DTNA: variants seen among roughly 807,000 people sequenced by gnomAD.
The protein encoded by DTNA is dystrobrevin alpha.
A neutral mutation model predicts 100.7 loss-of-function variants in DTNA; 43 were observed. The observed-to-expected ratio is 0.43, with a 90% CI of 0.33 to 0.55. The LOEUF (loss-of-function observed/expected upper bound fraction) is 0.55. DTNA is among the 20% of genes least tolerant of loss of function. DTNA has a pLI of 0.04. For synonymous variants in DTNA, 349 were observed against 347.9 expected, an observed-to-expected ratio of 1.00 and a Z score of -0.04; for missense variants, 798 against 953.9, an observed-to-expected ratio of 0.84 and a Z score of 2.15.
chr18:34,868,029 A>G (rs1379098538), intron 17 of DTNA: 1 of 982,782 alleles, frequency 1.0e-6, no homozygotes, highest in East Asian at 1.1e-4. Context: ...GGCAGCTTAC[A>G]ACAAAAGATA....
chr18:34,875,453 A>G (rs2096805629), intron 18 of DTNA, 55 bp downstream of exon 18: 2 of 1,611,346 alleles, frequency 1.2e-6, no homozygotes. Context: ...ATAGGTCACC[A>G]AGGTCTATTG....
chr18:34,700,252 C>A (rs926892515), intron 1 of DTNA, among the ~76,000 whole-genome samples: 7 of 152,154 alleles, frequency 4.6e-5, no homozygotes, highest in African/African-American at 1.7e-4. Flanking sequence ...AAATATTCCT[C>A]CATTTGACCT....
chr18:34,769,345 A>G (rs950951613), intron 3 of DTNA, among the ~76,000 whole-genome samples: 3 of 152,234 alleles, frequency 2.0e-5, no homozygotes, highest in Admixed American at 6.5e-5. Flanking sequence ...CAATGTTTAC[A>G]TGACATAACA....
In DTNA at chr18:34,815,895, G is replaced by GT. The variant is rs778948193; in HGVS notation, c.604-7dup. ...ATTCTCTGTCCTAAATTTATGGGGG[G>GT]TTTTTTTATGCAGAAAAAAGTCACG... On this transcript the variant is annotated splice_polypyrimidine_tract_variant and intron_variant, in intron 6 of 22. Coordinates refer to ENST00000444659, the MANE Select transcript of DTNA (RefSeq NM_001386795.1). The GT allele has an allele frequency of 2.5e-6, 4 of 1,608,020 alleles. No individual in the cohort carries two copies. The East Asian group carries it at 6.7e-5, about 27-fold the overall frequency.
chr18:34,813,888 A>G (rs1455972752), intron 6 of DTNA, among the ~76,000 whole-genome samples: 5 of 150,558 alleles, frequency 3.3e-5, no homozygotes, highest in African/African-American at 9.8e-5. Flanking sequence ...ACACAAATCT[A>G]TTTTTTCATT....
chr18:34,693,417 T>C (rs1600305640), intron 1 of DTNA, among the ~76,000 whole-genome samples: 2 of 152,236 alleles, frequency 1.3e-5, no homozygotes, highest in South Asian at 4.1e-4. Context: ...GCTTAAGTAC[T>C]ACCCAAATAA....
At chr18:34,834,827 G>T (rs965441340) in intron 11 of DTNA, among the ~76,000 whole-genome samples, 5 of 152,106 alleles carry the variant, frequency 3.3e-5, no homozygotes, top group Non-Finnish European at 7.4e-5. Context: ...CAACATTGAG[G>T]ATCAAATTTC....
intron 4 of DTNA, among the ~76,000 whole-genome samples, chr18:34,795,271 G>C (rs1438442261): frequency 6.6e-6 from 1 of 152,200 alleles, no homozygotes; most frequent in East Asian, 1.9e-4. Context: ...ATTCACAAAA[G>C]CTACCAGCTG....
intron 1 of DTNA, among the ~76,000 whole-genome samples, chr18:34,503,025 A>G (rs1376557582): frequency 6.6e-6 from 1 of 152,050 alleles, no homozygotes; most frequent in Non-Finnish European, 1.5e-5. Flanking sequence ...TACATATTTT[A>G]TAGCTCTGTT....
chr18:34,527,922 C>A (rs558409275), intron 1 of DTNA, among the ~76,000 whole-genome samples: 33 of 152,022 alleles, frequency 2.2e-4, no homozygotes, highest in Non-Finnish European at 2.5e-4. Context: ...TTACTTACAC[C>A]TCTATTGTCC....
intron 17 of DTNA, chr18:34,866,683 C>A (rs1358318976): frequency 2.0e-6 from 2 of 997,446 alleles, no homozygotes; most frequent in Non-Finnish European, 2.4e-6. Flanking sequence ...CATGGCTCAC[C>A]AAAATGTGCT....
At chr18:34,776,445 C>T (rs578049583) in intron 3 of DTNA, among the ~76,000 whole-genome samples, 20 of 152,288 alleles carry the variant, frequency 1.3e-4, no homozygotes, top group African/African-American at 4.6e-4. Context: ...GCTGCATCAG[C>T]TTGATTCACC....
chr18:34,870,662 C>T (rs796155810), intron 17 of DTNA, among the ~76,000 whole-genome samples: 3 of 152,160 alleles, frequency 2.0e-5, no homozygotes, highest in African/African-American at 7.2e-5. Context: ...GAGACCTGCC[C>T]ATCTCCCTCT....
intron 1 of DTNA, among the ~76,000 whole-genome samples, chr18:34,536,006 T>C (rs943680419): frequency 6.6e-6 from 1 of 152,084 alleles, no homozygotes; most frequent in African/African-American, 2.4e-5. Flanking sequence ...ACTTTATGCT[T>C]CTTTTCCTAA....
chr18:34,785,922 A>G (rs1380227911), intron 3 of DTNA, among the ~76,000 whole-genome samples: 1 of 152,170 alleles, frequency 6.6e-6, no homozygotes, highest in Admixed American at 6.5e-5. Context: ...AAGTTATAAG[A>G]CTAAGATGGA....
chr18:34,722,018 A>G (rs953896997), intron 1 of DTNA, among the ~76,000 whole-genome samples: 2 of 152,170 alleles, frequency 1.3e-5, no homozygotes, highest in African/African-American at 4.8e-5. Flanking sequence ...TATTGCAGCT[A>G]TTTGAGCTCC....
intron 2 of DTNA, among the ~76,000 whole-genome samples, chr18:34,765,123 G>C (rs2093402450): frequency 6.6e-6 from 1 of 152,180 alleles, no homozygotes; most frequent in Non-Finnish European, 1.5e-5. Context: ...AGAAACTGCA[G>C]ACGAGCTTGG....
At chr18:34,858,172 C>G in intron 15 of DTNA, 113 bp from the exon 16 acceptor site, 1 of 994,698 alleles carries the variant, frequency 1.0e-6, no homozygotes, top group Non-Finnish European at 1.6e-6. Flanking sequence ...GGTTCTGCTC[C>G]TAAACATAGG....
intron 1 of DTNA, among the ~76,000 whole-genome samples, chr18:34,502,158 A>G (rs948317332): frequency 6.6e-6 from 1 of 152,188 alleles, no homozygotes; most frequent in Non-Finnish European, 1.5e-5. Flanking sequence ...TTATTTGTGT[A>G]GAATTACTCC....
Sources: gnomAD v4.1 joint callset for allele counts (sites outside exome capture counted in the v4.1 genomes callset) on GRCh38, gnomAD v4.1.1 for gene constraint, MANE v1.5 for transcripts, NCBI Gene and HGNC (gene_info 2026-07-23, HGNC 2026-07-21) for gene names.